The following ZFHX3 variants were observed in gnomAD, a reference collection of about 807,000 sequenced individuals.
The protein encoded by ZFHX3 is zinc finger homeobox 3, also known as zinc finger homeobox protein 3.
Under a neutral mutation model 279.1 loss-of-function variants are expected in ZFHX3, and 42 were observed. The observed-to-expected ratio is 0.15, with a 90% CI of 0.12 to 0.19. ZFHX3 has a LOEUF of 0.19. Among genes scored for constraint, ZFHX3 ranks in the 10% least tolerant of loss-of-function variants. ZFHX3 has a pLI of 1.00. For missense variants in ZFHX3, 4,981 were observed against 4,754.0 expected, an observed-to-expected ratio of 1.05 and a Z score of -1.40; for synonymous variants, 2,293 against 1,957.8, an observed-to-expected ratio of 1.17 and a Z score of -4.52.
chr16:73,108,488 C>A (rs948641677), intron 7 of ZFHX3, among the ~76,000 whole-genome samples: 6 of 152,122 alleles, frequency 3.9e-5, no homozygotes, highest in African/African-American at 1.4e-4. Context: ...ACTGCAGCCT[C>A]AAACTCCTAG....
intron 2 of ZFHX3, among the ~76,000 whole-genome samples, chr16:73,589,546 A>G (rs1269081922): frequency 6.6e-6 from 1 of 150,996 alleles, no homozygotes; most frequent in Non-Finnish European, 1.5e-5. Flanking sequence ...CCTGGCTAAC[A>G]CAGTGAAACC....
intron 2 of ZFHX3, among the ~76,000 whole-genome samples, chr16:73,556,331 G>T (rs1427058072): frequency 6.6e-6 from 1 of 152,072 alleles, no homozygotes; most frequent in Admixed American, 6.6e-5. Context: ...GGGGGGTGGC[G>T]GAAGAAACAG....
chr16:73,853,262 T>C (rs560459805), intron 1 of ZFHX3, among the ~76,000 whole-genome samples: 7 of 152,318 alleles, frequency 4.6e-5, no homozygotes, highest in Non-Finnish European at 8.8e-5. Flanking sequence ...TGGACAACAA[T>C]ACAGAGATTT....
chr16:73,471,500 C>G (rs1389597760), intron 2 of ZFHX3, among the ~76,000 whole-genome samples: 4 of 152,110 alleles, frequency 2.6e-5, no homozygotes, highest in Admixed American at 6.6e-5. Context: ...CCTCCACCTC[C>G]CAGGTTCAAG....
At chr16:73,125,953 T>A (rs1280055917) in intron 7 of ZFHX3, among the ~76,000 whole-genome samples, 1 of 152,078 alleles carries the variant, frequency 6.6e-6, no homozygotes. Flanking sequence ...GTCAAGGTCA[T>A]ACAGTAATAA....
intron 1 of ZFHX3, among the ~76,000 whole-genome samples, chr16:73,811,677 C>T (rs945377716): frequency 2.0e-5 from 3 of 152,072 alleles, no homozygotes; most frequent in African/African-American, 7.2e-5. Context: ...GAACTCCTCA[C>T]CTCATGATCT....
intron 4 of ZFHX3, among the ~76,000 whole-genome samples, chr16:72,843,513 TAAAAAAAAAAAA>T (rs59007764): frequency 3.0e-4 from 12 of 39,464 alleles, no homozygotes; most frequent in Admixed American, 1.1e-3. Flanking sequence ...AGACTCCGTC[TAAAAAAAAAAAA>T]AAAAAAAAAA....
At chr16:73,315,603 A>T (rs1349085221) in intron 4 of ZFHX3, among the ~76,000 whole-genome samples, 1 of 151,420 alleles carries the variant, frequency 6.6e-6, no homozygotes, top group Non-Finnish European at 1.5e-5. Context: ...CCAGGTATTG[A>T]AAAAAAAAGA....
At chr16:73,618,361 T>C (rs2052325940) in intron 2 of ZFHX3, among the ~76,000 whole-genome samples, 1 of 152,180 alleles carries the variant, frequency 6.6e-6, no homozygotes, top group Admixed American at 6.6e-5. Context: ...TCAGGAGATC[T>C]TCTGAAGAGC....
intron 3 of ZFHX3, among the ~76,000 whole-genome samples, chr16:73,356,878 G>T (rs117654189): frequency 0.048 from 7,189 of 150,756 alleles, 285 homozygotes; most frequent in Non-Finnish European, 0.073. Flanking sequence ...AGTACACTAG[G>T]CCTGTGCTGG....
chr16:73,815,345 T>C (rs897846423), intron 1 of ZFHX3, among the ~76,000 whole-genome samples: 2 of 152,292 alleles, frequency 1.3e-5, no homozygotes, highest in Non-Finnish European at 2.9e-5. Context: ...GCCACATCTA[T>C]ACTTAGTGTA....
chr16:73,478,378 A>C (rs775011520), intron 2 of ZFHX3, among the ~76,000 whole-genome samples: 3 of 151,988 alleles, frequency 2.0e-5, no homozygotes, highest in African/African-American at 7.3e-5. Flanking sequence ...CTACCAACTG[A>C]GCTATCCAGG....
intron 3 of ZFHX3, among the ~76,000 whole-genome samples, chr16:73,343,692 C>A (rs778266011): frequency 1.3e-4 from 20 of 152,268 alleles, no homozygotes; most frequent in Non-Finnish European, 2.9e-4. Flanking sequence ...GCACTCCAGC[C>A]TGGGCAACAG....
At chr16:73,562,037 C>G (rs1288947240) in intron 2 of ZFHX3, among the ~76,000 whole-genome samples, 1 of 152,190 alleles carries the variant, frequency 6.6e-6, no homozygotes, top group East Asian at 1.9e-4. Flanking sequence ...TCTTTTGAGA[C>G]AAGCGAATAC....
intron 7 of ZFHX3, among the ~76,000 whole-genome samples, chr16:73,119,952 A>C (rs905758065): frequency 6.6e-6 from 1 of 152,190 alleles, no homozygotes; most frequent in African/African-American, 2.4e-5. Flanking sequence ...GAGCTTTCTT[A>C]TTCCAGATGT....
chr16:72,890,742 C>G (rs995271469), intron 3 of ZFHX3, among the ~76,000 whole-genome samples: 1 of 152,218 alleles, frequency 6.6e-6, no homozygotes, highest in African/African-American at 2.4e-5. Context: ...GGTTGGCAAA[C>G]TATGGCCCAC....
intron 1 of ZFHX3, among the ~76,000 whole-genome samples, chr16:73,690,760 C>T (rs555474687): frequency 6.6e-6 from 1 of 152,336 alleles, no homozygotes; most frequent in Non-Finnish European, 1.5e-5. Flanking sequence ...CTGCTAAATA[C>T]TGGAAGACAA....
At chr16:72,887,461 C>G (rs925113019) in intron 4 of ZFHX3, among the ~76,000 whole-genome samples, 1 of 151,988 alleles carries the variant, frequency 6.6e-6, no homozygotes, top group Non-Finnish European at 1.5e-5. Flanking sequence ...ATTAATATAA[C>G]CCCCAATTAT....
Position 73,358,512 on chromosome 16 carries a change from C to T in ZFHX3, c.-1290-40176G>A, listed in dbSNP as rs565554320. Among the ~76,000 whole-genome samples, 146 of 152,306 alleles carry T rather than the reference C, an allele frequency of 9.6e-4. 3 individuals carry two copies. Among genetic ancestry groups the T allele is most frequent in the Admixed American group, 8.2e-3 (126 of 15,296 alleles). ...ATTCAAACCTTGAGATGATGGCGGC[C>T]CTGGCTGACACCAAATGTAACCTTG... On this transcript the variant is annotated intron_variant, in intron 3 of 17. Coordinates refer to the ZFHX3 transcript ENST00000641206.
Sources: allele counts gnomAD v4.1 joint callset (sites outside exome capture counted in the v4.1 genomes callset), GRCh38; gene constraint gnomAD v4.1.1; transcripts MANE v1.5; gene names NCBI Gene and HGNC (gene_info 2026-07-23, HGNC 2026-07-21).